DGKH: variants seen among roughly 807,000 people sequenced by gnomAD.
The protein encoded by DGKH is diacylglycerol kinase eta, also known as DAG kinase eta.
A neutral mutation model predicts 159.3 loss-of-function variants in DGKH; 90 were observed. The ratio of observed to expected loss-of-function variants is 0.57; its 90% CI spans 0.48 to 0.67. The LOEUF is 0.67. Among genes scored for constraint, DGKH ranks in the 30% least tolerant of loss-of-function variants. The pLI, the probability that DGKH is intolerant of heterozygous loss-of-function variation, is 0.00. For missense variants in DGKH, 1,181 were observed against 1,506.1 expected, an observed-to-expected ratio of 0.78 and a Z score of 3.57; for synonymous variants, 536 against 553.8, an observed-to-expected ratio of 0.97 and a Z score of 0.45.
chr13:42,205,957 T>G, intron 20 of DGKH, 82 bp from the exon 21 acceptor site: 1 of 747,258 alleles, frequency 1.3e-6, no homozygotes, highest in Non-Finnish European at 1.9e-6. Flanking sequence ...TCCTTCATCT[T>G]TAGTGTTTTA....
intron 1 of DGKH, among the ~76,000 whole-genome samples, chr13:42,118,256 C>G (rs1955000582): frequency 6.6e-6 from 1 of 152,138 alleles, no homozygotes; most frequent in Admixed American, 6.5e-5. Context: ...CTTGTTTACT[C>G]ATTGATACCA....
At chr13:42,177,353 T>G (rs1407318862) in intron 12 of DGKH, among the ~76,000 whole-genome samples, 2 of 152,250 alleles carry the variant, frequency 1.3e-5, no homozygotes, top group Non-Finnish European at 2.9e-5. Context: ...TACTGTGGCT[T>G]GGCTATAAAT....
intron 11 of DGKH, among the ~76,000 whole-genome samples, chr13:42,173,511 AT>A (rs1377422756): frequency 2.6e-5 from 4 of 152,146 alleles, no homozygotes; most frequent in African/African-American, 9.7e-5. Context: ...TTATTTCTTA[AT>A]TTAAGAAGGG....
Position 42,199,793 on chromosome 13 carries a change from C to T in DGKH, c.2397-20C>T, listed in dbSNP as rs1173602257. The T allele has an allele frequency of 6.3e-7, 1 of 1,589,104 alleles. No homozygotes were observed. Among genetic ancestry groups the T allele is most frequent in the Non-Finnish European group, 8.5e-7 (1 of 1,172,192 alleles). On this transcript the variant is annotated intron_variant, in intron 19 of 29. Coordinates refer to ENST00000337343, the MANE Select transcript of DGKH (RefSeq NM_178009.5). ...AATAAATAAAATTTCCTGAAATTGC[C>T]TGCCAATATTTATTTTCAGGAGCCG...
At chr13:42,205,564 T>C (rs1175804841) in intron 20 of DGKH, among the ~76,000 whole-genome samples, 1 of 152,200 alleles carries the variant, frequency 6.6e-6, no homozygotes, top group Non-Finnish European at 1.5e-5. Flanking sequence ...TTCTGACTTG[T>C]ACTTGAAGTA....
chr13:42,135,416 T>C (rs567750191), intron 3 of DGKH, among the ~76,000 whole-genome samples: 128 of 147,070 alleles, frequency 8.7e-4, no homozygotes, highest in African/African-American at 2.9e-3. Flanking sequence ...GGAGGATCTC[T>C]TGAGCGGAGG....
intron 1 of DGKH, among the ~76,000 whole-genome samples, chr13:42,053,354 ATATATATAACTATATATATAAC>A (rs1256531725): frequency 2.0e-5 from 3 of 148,198 alleles, no homozygotes; most frequent in Non-Finnish European, 3.0e-5. Flanking sequence ...ACTACTAATT[ATATATATAACTATATATATAAC>A]TATATATAAC....
In DGKH at chr13:42,229,159, G is replaced by A; in HGVS notation, c.3634G>A (p.Gly1212Arg). The A allele has an allele frequency of 1.2e-6, 2 of 1,611,610 alleles. No homozygotes were observed. The highest frequency in any genetic ancestry group is 1.1e-5 in the South Asian group (1 of 90,364). The change falls in exon 30 of 30, where the codon GGA (glycine) becomes AGA (arginine). Residue 1212 changes from glycine to arginine, a missense_variant. By Grantham distance (125) the Gly-to-Arg change is moderately radical. This residue lies in a region of DGKH where 84 missense variants were observed against 77.9 expected (regional missense o/e 1.08). Coordinates refer to ENST00000337343, the MANE Select transcript of DGKH (RefSeq NM_178009.5). Reference protein sequence around the residue: ...KRILQGIKELGRSTPQSEV With the variant: ...KRILQGIKELRRSTPQSEV ...AATTCTCCAGGGAATTAAAGAGCTT[G>A]GAAGGAGCACTCCACAGTCGGAGGT...
rs768644626 is a variant in DGKH at position 42,219,797 on chromosome 13, AG to A, written c.3442+5del. The A allele has an allele frequency of 6.2e-7, 1 of 1,612,096 alleles. No homozygotes were observed. The highest frequency in any genetic ancestry group is 1.3e-5 in the African/African-American group (1 of 74,820). ...GCAGAAGACAAGTTCACAGCCTGGT[AG>A]GTGGTCCATATGGAAGGGGAAATAT... On this transcript the variant is annotated splice_donor_region_variant and intron_variant, in intron 28 of 29. Coordinates refer to ENST00000337343, the MANE Select transcript of DGKH (RefSeq NM_178009.5).
At chr13:42,222,351 A>G (rs1330370257) in intron 29 of DGKH, among the ~76,000 whole-genome samples, 1 of 152,208 alleles carries the variant, frequency 6.6e-6, no homozygotes, top group Admixed American at 6.5e-5. Context: ...CTACAAATAC[A>G]TTAGCAAAGA....
intron 29 of DGKH, among the ~76,000 whole-genome samples, chr13:42,226,691 T>C (rs898136009): frequency 1.3e-5 from 2 of 151,622 alleles, no homozygotes; most frequent in Non-Finnish European, 1.5e-5. Flanking sequence ...CTGTCTCTAC[T>C]AAAAATAGAA....
At chr13:42,179,882 T>C (rs1386973899) in intron 13 of DGKH, among the ~76,000 whole-genome samples, 1 of 151,754 alleles carries the variant, frequency 6.6e-6, no homozygotes, top group African/African-American at 2.4e-5. Context: ...GAAAAAGGGG[T>C]GGCTACTCTA....
At chr13:42,193,570 C>A (rs10492438) in intron 16 of DGKH, among the ~76,000 whole-genome samples, 18,135 of 152,096 alleles carry the variant, frequency 0.12, 1,538 homozygotes, top group East Asian at 0.4. Flanking sequence ...TGATGAGATG[C>A]TTTATTTAAG....
At chr13:42,177,997 T>G in intron 12 of DGKH, 138 bp from the exon 13 acceptor site, 1 of 441,222 alleles carries the variant, frequency 2.3e-6, no homozygotes, top group Non-Finnish European at 3.9e-6. Flanking sequence ...TTTTGCATGA[T>G]GACTCTTTCA....
rs558003136 is a variant in DGKH, at chr13:42,083,547, C to T, written c.192+34582C>T. 2.1e-3 allele frequency among the ~76,000 whole-genome samples: 315 copies of T among 152,346 alleles called. 3 individuals are homozygous for T. The highest frequency in any genetic ancestry group is 7.5e-3 in the African/African-American group (310 of 41,578). ...GTTCCTGGCGCCATTTTATCTAGCG[C>T]CGCCGCTGTAGGCGTGGAAGTACCT... On this transcript the variant is annotated intron_variant, in intron 1 of 29. Transcript: ENST00000337343.
intron 1 of DGKH, among the ~76,000 whole-genome samples, chr13:42,098,897 C>T (rs921267035): frequency 6.6e-6 from 1 of 152,222 alleles, no homozygotes; most frequent in Non-Finnish European, 1.5e-5. Context: ...CGGAAGTACA[C>T]TGGAGTGCAT....
chr13:42,164,127 A>G (rs1032530810), intron 7 of DGKH, among the ~76,000 whole-genome samples: 3 of 152,232 alleles, frequency 2.0e-5, no homozygotes, highest in African/African-American at 7.2e-5. Context: ...ATGTAGTGAA[A>G]AAAGAAAACA....
chr13:42,048,714 C>T lies in DGKH; in HGVS notation c.-60C>T, dbSNP rs965163375. On this transcript the variant is annotated 5_prime_UTR_variant, in exon 1 of 30. Transcript: ENST00000337343. This position sits in a 1 kb window ranked among gnomAD's most constrained non-coding sequence, Gnocchi z 6.7. ...GGGCTCCGCTCGGGCAGAGCCCACC[C>T]GCTGACCAACGCCGCCGCCCCCGCC... The T allele has an allele frequency of 1.3e-5, 16 of 1,236,144 alleles. No homozygotes were observed. The highest frequency in any genetic ancestry group is 1.6e-5 in the Non-Finnish European group (16 of 984,356). The allele number at this position is 1,236,144 out of a possible 1,614,324, so 76.6% of individuals were successfully genotyped here.
In DGKH at chr13:42,231,058, T is replaced by G. The variant is rs1262850056; in HGVS notation, c.*1870T>G. The G allele has an allele frequency of 6.6e-6, 1 of 152,086 alleles. No homozygotes were observed. The highest frequency in any genetic ancestry group is 2.4e-5 in the African/African-American group (1 of 41,442). 9.4% of individuals were successfully genotyped at this position (152,086 alleles called of 1,614,324 possible). On this transcript the variant is annotated 3_prime_UTR_variant, in exon 30 of 30. Transcript: ENST00000337343. Reference sequence around the variant, plus strand: ...TTCCAAAGACAGTTATATCAAGTAGTTTAAAAAGTCATGAGGCAGGGTGCT... The same window carrying G: ...TTCCAAAGACAGTTATATCAAGTAGGTTAAAAAGTCATGAGGCAGGGTGCT...
Sources: gnomAD v4.1 joint callset for allele counts (sites outside exome capture counted in the v4.1 genomes callset) on GRCh38, gnomAD v4.1.1 for gene constraint, gnomAD v4.1.1 regional missense constraint, Gnocchi (gnomAD v3.1) non-coding constraint, MANE v1.5 for transcripts, NCBI Gene and HGNC (gene_info 2026-07-23, HGNC 2026-07-21) for gene names.